OPHN1: variants seen among roughly 807,000 people sequenced by gnomAD.
The protein encoded by OPHN1 is oligophrenin-1.
OPHN1 carries 11 observed loss-of-function variants against 60.7 expected under a neutral mutation model. The ratio of observed to expected loss-of-function variants is 0.18; its 90% CI spans 0.11 to 0.30. The LOEUF (loss-of-function observed/expected upper bound fraction) is 0.30, where lower values mean the gene tolerates loss of function less well. OPHN1 is among the 10% of genes least tolerant of loss of function. OPHN1 has a pLI of 1.00. For missense variants in OPHN1, 449 were observed against 611.0 expected (o/e 0.73, Z 2.80); for synonymous variants, 226 against 222.6 (o/e 1.02, Z -0.14).
chrX:68,055,863 A>T (rs2076870931), intron 21 of OPHN1, among the ~76,000 whole-genome samples: 1 of 111,393 alleles, frequency 9.0e-6, no homozygotes, highest in Non-Finnish European at 1.9e-5. Flanking sequence ...ACAGAAAACC[A>T]AACACCGCAC....
chrX:68,077,020 G>C (rs1355509488), intron 19 of OPHN1, among the ~76,000 whole-genome samples: 1 of 111,453 alleles, frequency 9.0e-6, no homozygotes, highest in East Asian at 2.8e-4. Flanking sequence ...GTGGCCTGGA[G>C]AGGGGAGGAT....
At position 68,192,165 on chromosome X, in the gene OPHN1, A is replaced by G. The variant is rs141557785; in HGVS notation, c.1276+754T>C. 1.0e-3 allele frequency among the ~76,000 whole-genome samples: 117 copies of G among 111,996 alleles called. 1 individual carries two copies. The East Asian group carries it at 0.032, about 31-fold the overall frequency. ...CACAGTCAAGGTGTAAAAAACAGAA[A>G]GATAAAGGTTCAGCAAGTTATTGAA... is the stretch of plus-strand genomic sequence containing the variant. On this transcript the variant is annotated intron_variant, in intron 15 of 24. Transcript: ENST00000355520.
intron 5 of OPHN1, among the ~76,000 whole-genome samples, chrX:68,246,056 C>T (rs977343997): frequency 6.3e-5 from 7 of 111,426 alleles, no homozygotes; most frequent in Non-Finnish European, 1.3e-4. Flanking sequence ...CCACCCACCT[C>T]GGCCTCTCAA....
At position 68,222,915 on chromosome X, in the gene OPHN1, C is replaced by T. The variant is rs909404832; in HGVS notation, c.487-8943G>A. On this transcript the variant is annotated intron_variant, in intron 6 of 24. Coordinates refer to ENST00000355520, the MANE Select transcript of OPHN1 (RefSeq NM_002547.3). ...CACAATGTGCACATGTACCCTAAAA[C>T]TTAAAGTATAATAGAAAAAATAAAT... Among the ~76,000 whole-genome samples the T allele has an allele frequency of 7.0e-5, 7 of 100,660 alleles. No homozygotes were observed. In the South Asian group the frequency reaches 3.3e-3, roughly 47 times the overall value. The allele number at this position is 100,660 out of a possible 115,157, so 87.4% of individuals were successfully genotyped here.
intron 15 of OPHN1, among the ~76,000 whole-genome samples, chrX:68,143,674 G>T (rs1421152143): frequency 9.0e-6 from 1 of 111,254 alleles, no homozygotes; most frequent in East Asian, 2.8e-4. Context: ...ATAAACCTGT[G>T]CCAATTAATA....
At chrX:68,251,192 T>C (rs2077832788) in intron 5 of OPHN1, among the ~76,000 whole-genome samples, 2 of 97,844 alleles carry the variant, frequency 2.0e-5, no homozygotes, top group South Asian at 1.0e-3. Context: ...TTTTTTTTTT[T>C]TTTTTTTTTT....
intron 2 of OPHN1, among the ~76,000 whole-genome samples, chrX:68,330,058 A>G (rs911465001): frequency 9.1e-6 from 1 of 110,207 alleles, no homozygotes. Context: ...GCTTTCAGTA[A>G]CACAATGGTT....
chrX:68,170,988 G>A (rs1170522329), intron 15 of OPHN1, among the ~76,000 whole-genome samples: 1 of 111,303 alleles, frequency 9.0e-6, no homozygotes, highest in African/African-American at 3.3e-5. Flanking sequence ...CTGGGAAGAA[G>A]CAGGGGAGTG....
intron 2 of OPHN1, among the ~76,000 whole-genome samples, chrX:68,355,011 A>G (rs2078433377): frequency 8.9e-6 from 1 of 111,965 alleles, no homozygotes; most frequent in Admixed American, 9.6e-5. Flanking sequence ...GAAGGTGCCT[A>G]TAACTCAGTG....
At chrX:68,101,405 T>A (rs138468427) in intron 18 of OPHN1, among the ~76,000 whole-genome samples, 1,188 of 112,257 alleles carry the variant, frequency 0.011, 13 homozygotes, top group African/African-American at 0.037. Flanking sequence ...GATTTTCAGA[T>A]GTGTACAGAA....
chrX:68,345,983 G>T (rs145882977), intron 2 of OPHN1, among the ~76,000 whole-genome samples: 78 of 111,228 alleles, frequency 7.0e-4, no homozygotes, highest in Non-Finnish European at 9.1e-4. Flanking sequence ...TGAAAAATTA[G>T]CCAGGCATGG....
At chrX:68,353,969 A>G (rs1796100153) in intron 2 of OPHN1, among the ~76,000 whole-genome samples, 1 of 112,405 alleles carries the variant, frequency 8.9e-6, no homozygotes, top group Non-Finnish European at 1.9e-5. Flanking sequence ...AGCAAAACAG[A>G]TGCTGAAATC....
At chrX:68,412,773 G>C (rs752974311) in intron 2 of OPHN1, among the ~76,000 whole-genome samples, 1 of 111,732 alleles carries the variant, frequency 8.9e-6, no homozygotes. Context: ...AGAAGAACTT[G>C]CCTAAAATGG....
At chrX:68,210,371 C>T (rs1266312037) in intron 8 of OPHN1, 89 bp from the exon 9 acceptor site, 25 of 952,791 alleles carry the variant, frequency 2.6e-5, no homozygotes, top group Non-Finnish European at 3.2e-5. Flanking sequence ...ACAAAGTTTT[C>T]CCTGCTTACA....
chrX:68,294,473 CAAAAAAAAAAA>C (rs570989143), intron 3 of OPHN1, among the ~76,000 whole-genome samples: 8 of 10,657 alleles, frequency 7.5e-4, no homozygotes, highest in Non-Finnish European at 1.5e-3. Context: ...GACTCTATCA[CAAAAAAAAAAA>C]AAAAAAAAAA....
At chrX:68,063,817 G>A in intron 21 of OPHN1, 37 bp downstream of exon 21, 1 of 1,086,575 alleles carries the variant, frequency 9.2e-7, no homozygotes, top group Non-Finnish European at 1.2e-6. Flanking sequence ...AGTAGTTAGG[G>A]TCAGCTCTGG....
rs907453674 is a variant in OPHN1, at chrX:68,379,259, T to C, written c.154+53608A>G. On this transcript the variant is annotated intron_variant, in intron 2 of 24. Coordinates refer to ENST00000355520, the MANE Select transcript of OPHN1 (RefSeq NM_002547.3). ...TGTTATTGGTGCATAAGAATGCTTATGATTTTTGCACATTGATTTTGTATC... is the reference window on the plus strand; with the variant it reads ...TGTTATTGGTGCATAAGAATGCTTACGATTTTTGCACATTGATTTTGTATC... 4.3e-4 allele frequency among the ~76,000 whole-genome samples: 48 copies of C among 111,715 alleles called. No individual in the cohort carries two copies. In the Admixed American group the frequency reaches 4.3e-3, roughly 10 times the overall value.
intron 15 of OPHN1, among the ~76,000 whole-genome samples, chrX:68,154,486 T>C (rs1425544711): frequency 8.9e-6 from 1 of 112,499 alleles, no homozygotes; most frequent in Non-Finnish European, 1.9e-5. Flanking sequence ...TTCTTCCTCA[T>C]CTCTCTTGGA....
chrX:68,049,573 C>T (rs1201767483), intron 23 of OPHN1, among the ~76,000 whole-genome samples: 1 of 111,837 alleles, frequency 8.9e-6, no homozygotes, highest in Non-Finnish European at 1.9e-5. Context: ...TAACTGGTCT[C>T]CAGTCTTTAC....
Sources: gnomAD v4.1 joint callset for allele counts (sites outside exome capture counted in the v4.1 genomes callset) on GRCh38, gnomAD v4.1.1 for gene constraint, MANE v1.5 for transcripts, NCBI Gene and HGNC (gene_info 2026-07-23, HGNC 2026-07-21) for gene names.